EVC: variants seen among roughly 807,000 people sequenced by gnomAD.
The protein encoded by EVC is evC complex member EVC.
EVC carries 116 observed loss-of-function variants against 118.9 expected under a neutral mutation model. The observed-to-expected ratio is 0.98, with a 90% confidence interval of 0.84 to 1.14. The LOEUF is 1.14. Ranked by LOEUF, EVC falls within the 50% of genes most tolerant of loss-of-function variation. The pLI is 0.00. For missense variants in EVC, 1,401 were observed against 1,246.4 expected (o/e 1.12, Z -1.87); for synonymous variants, 619 against 534.7 (o/e 1.16, Z -2.18).
At chr4:5,769,659 C>G (rs1037506384) in intron 11 of EVC, among the ~76,000 whole-genome samples, 1 of 152,068 alleles carries the variant, frequency 6.6e-6, no homozygotes, top group Non-Finnish European at 1.5e-5. Flanking sequence ...GGCCACACAG[C>G]CCACCTGTTC....
the EVC span, among the ~76,000 whole-genome samples, chr4:5,822,424 T>C: frequency 6.6e-6 from 1 of 150,882 alleles, no homozygotes; most frequent in Non-Finnish European, 1.5e-5. Flanking sequence ...CATGTGCATA[T>C]GTGTGTGCAT....
Position 5,766,912 on chromosome 4 carries a change from T to C in EVC, c.1563+10550T>C, listed in dbSNP as rs1732969830. Among the ~76,000 whole-genome samples, 3 of 152,230 alleles carry C rather than the reference T, an allele frequency of 2.0e-5. No individual in the cohort carries two copies. The South Asian group carries it at 6.2e-4, about 32-fold the overall frequency. ...GCCTTCTCTCAGCTTGTCAAAGTCATTCTCCATCCAGCTTTGTTCCGTTGC... is the reference window on the plus strand; with the variant it reads ...GCCTTCTCTCAGCTTGTCAAAGTCACTCTCCATCCAGCTTTGTTCCGTTGC... On this transcript the variant is annotated intron_variant, in intron 11 of 20. Transcript: ENST00000264956.
chr4:5,758,183 CA>C lies in EVC; in HGVS notation c.1563+1825del. On this transcript the variant is annotated intron_variant, in intron 11 of 20. Coordinates refer to ENST00000264956, the MANE Select transcript of EVC (RefSeq NM_153717.3). ...CAAGCCGAGGAACACCTGCAGCCAC[CA>C]AAAGCCAGAAGAGCCCAGGAAGGGC... 8 of 699,806 alleles carry C rather than the reference CA, an allele frequency of 1.1e-5. No individual in the cohort carries two copies. The South Asian group carries it at 1.2e-4, about 10-fold the overall frequency. 43.3% of individuals were successfully genotyped at this position (699,806 alleles called of 1,614,324 possible).
intron 17 of EVC, among the ~76,000 whole-genome samples, chr4:5,805,893 T>TTTC (rs1397264255): frequency 8.8e-5 from 12 of 137,074 alleles, no homozygotes; most frequent in East Asian, 6.0e-4. Context: ...TTTCTTTTCT[T>TTTC]TTTTTTTTTT....
rs140863079 is a variant in EVC, at chr4:5,800,000, G to A, written c.2304+1208G>A. Among the ~76,000 whole-genome samples the A allele has an allele frequency of 2.5e-3, 386 of 152,298 alleles. 2 individuals are homozygous for A. Among genetic ancestry groups the A allele is most frequent in the African/African-American group, 8.8e-3 (364 of 41,564 alleles). ...CCTCAGCTTTCCAGAGGGATTTTGAGTCAAGATTGGAAAATGAGTACCACC... is the reference window on the plus strand; with the variant it reads ...CCTCAGCTTTCCAGAGGGATTTTGAATCAAGATTGGAAAATGAGTACCACC... On this transcript the variant is annotated intron_variant, in intron 15 of 20. Transcript: ENST00000264956.
In EVC at chr4:5,798,102, C is replaced by T. The variant is rs1465849902; in HGVS notation, c.2098-484C>T. On this transcript the variant is annotated intron_variant, in intron 14 of 20. Coordinates refer to ENST00000264956, the MANE Select transcript of EVC (RefSeq NM_153717.3). This position sits in a 1 kb window ranked among gnomAD's most constrained non-coding sequence, Gnocchi z 4.1. ...GCAGGACTCACGGACCTCGCTACAG[C>T]CCCGCTCACTTCTTTCTCTCTTATT... is the stretch of plus-strand genomic sequence containing the variant. 2.0e-5 allele frequency among the ~76,000 whole-genome samples: 3 copies of T among 152,162 alleles called. No homozygotes were observed. The highest frequency in any genetic ancestry group is 4.8e-5 in the African/African-American group (2 of 41,438).
At chr4:5,784,577 G>A (rs1024888236) in intron 12 of EVC, among the ~76,000 whole-genome samples, 5 of 151,104 alleles carry the variant, frequency 3.3e-5, no homozygotes, top group Non-Finnish European at 7.4e-5. Context: ...TGGAACAGCA[G>A]CAATAGGAAA....
chr4:5,740,050 G>C (rs1190940858), intron 5 of EVC, among the ~76,000 whole-genome samples: 2 of 152,142 alleles, frequency 1.3e-5, no homozygotes, highest in Admixed American at 1.3e-4. Flanking sequence ...AATGGTACTG[G>C]AGCAATTGGA....
chr4:5,721,976 A>G (rs1031516176), intron 2 of EVC, among the ~76,000 whole-genome samples: 3 of 152,198 alleles, frequency 2.0e-5, no homozygotes, highest in Non-Finnish European at 2.9e-5. Flanking sequence ...ATTAAATCTC[A>G]ATAAAGCTGT....
chr4:5,715,771 T>A (rs1249776716), intron 1 of EVC, among the ~76,000 whole-genome samples: 1 of 130,384 alleles, frequency 7.7e-6, no homozygotes, highest in African/African-American at 3.0e-5. Flanking sequence ...TGAGATAGAG[T>A]CTTGCTCTGT....
chr4:5,744,634 C>T (rs986296114), intron 6 of EVC, among the ~76,000 whole-genome samples: 3 of 152,160 alleles, frequency 2.0e-5, no homozygotes, highest in African/African-American at 7.2e-5. Context: ...ACTCAATTGC[C>T]TAGCTAGTCA....
intron 12 of EVC, among the ~76,000 whole-genome samples, chr4:5,787,554 C>T (rs567553457): frequency 6.6e-6 from 1 of 152,248 alleles, no homozygotes; most frequent in South Asian, 2.1e-4. Context: ...ATGGATTCTG[C>T]CCCAGACCCT....
rs1276815916 is a variant in EVC, at chr4:5,802,027, C to T, written c.2382C>T (p.Tyr794=). ...TCAGCCGCCTGGTGCAGGCGTATTACCAGCAAATCGGAAGGATCATGGAGG... is the reference window on the plus strand; with the variant it reads ...TCAGCCGCCTGGTGCAGGCGTATTATCAGCAAATCGGAAGGATCATGGAGG... The part of the protein sequence containing the change: ...AGVSRLVQAY[Y]QQIGRIMEDH... Residue 794 remains tyrosine (Y), a synonymous_variant, in exon 16 of 21, where the codon TAC becomes TAT. Transcript: ENST00000264956. The T allele has an allele frequency of 4.3e-6, 7 of 1,614,102 alleles. No homozygotes were observed. Among genetic ancestry groups the T allele is most frequent in the African/African-American group, 2.7e-5 (2 of 74,940 alleles).
chr4:5,823,082 C>T, the EVC span, among the ~76,000 whole-genome samples: 6 of 152,298 alleles, frequency 3.9e-5, no homozygotes, highest in African/African-American at 1.2e-4. Flanking sequence ...AGGTAGTTGT[C>T]ACCTGCAACA....
At chr4:5,725,198 C>A (rs1333848688) in intron 2 of EVC, among the ~76,000 whole-genome samples, 2 of 152,114 alleles carry the variant, frequency 1.3e-5, no homozygotes. Context: ...ATGCATGTAT[C>A]TTTATAATAG....
chr4:5,753,686 C>G (rs1359766996), intron 9 of EVC, 99 bp from the exon 10 acceptor site: 6 of 1,522,632 alleles, frequency 3.9e-6, no homozygotes, highest in Non-Finnish European at 5.5e-6. Flanking sequence ...CAGCCGACAC[C>G]AGCTTCCCCA....
rs57482108 is a variant in EVC, at chr4:5,749,341, GAAAAA to G, written c.1098+1050_1098+1054del. The stretch of plus-strand genomic sequence containing the variant: ...TAACACTAACGATAGCTGATGAGCG[GAAAAA>G]AAAAAAAAAAAAAAGGTCCCTCCTT... On this transcript the variant is annotated intron_variant, in intron 8 of 20. Transcript: ENST00000264956. This position sits in a 1 kb window ranked among gnomAD's most constrained non-coding sequence, Gnocchi z 4.4. Among the ~76,000 whole-genome samples, 1 of 121,880 alleles carries G rather than the reference GAAAAA, an allele frequency of 8.2e-6. No homozygotes were observed. The highest frequency in any genetic ancestry group is 3.2e-5 in the African/African-American group (1 of 31,282). The allele number at this position is 121,880 out of a possible 152,430, so 80.0% of individuals were successfully genotyped here.
At chr4:5,736,971 G>T (rs974609340) in intron 5 of EVC, among the ~76,000 whole-genome samples, 2 of 152,214 alleles carry the variant, frequency 1.3e-5, no homozygotes, top group Admixed American at 6.5e-5. Flanking sequence ...CAGGTCTAAA[G>T]CTGAGATAGG....
At chr4:5,796,196 TATC>T (rs1396468173) in intron 13 of EVC, among the ~76,000 whole-genome samples, 6 of 152,190 alleles carry the variant, frequency 3.9e-5, no homozygotes, top group African/African-American at 1.4e-4. Flanking sequence ...TTCTTCGTCT[TATC>T]ATTTAATTTC....
Sources: allele counts gnomAD v4.1 joint callset (sites outside exome capture counted in the v4.1 genomes callset), GRCh38; gene constraint gnomAD v4.1.1; non-coding constraint Gnocchi (gnomAD v3.1); transcripts MANE v1.5; gene names NCBI Gene and HGNC (gene_info 2026-07-23, HGNC 2026-07-21).